KHDRBS2: variants seen among roughly 807,000 people sequenced by gnomAD.
The protein encoded by KHDRBS2 is KH domain-containing, RNA-binding, signal transduction-associated protein 2.
Under a neutral mutation model 44.3 loss-of-function variants are expected in KHDRBS2, and 26 were observed. That is an observed-to-expected ratio of 0.59 (90% CI 0.43 to 0.81). The LOEUF (loss-of-function observed/expected upper bound fraction) is 0.81. Ranked by LOEUF, KHDRBS2 falls within the 40% of genes least tolerant of loss-of-function variation. The pLI is 0.00. For synonymous variants in KHDRBS2, 194 were observed against 151.1 expected, an observed-to-expected ratio of 1.28 and a Z score of -2.08; for missense variants, 476 against 433.1, an observed-to-expected ratio of 1.10 and a Z score of -0.88.
the KHDRBS2 span, chr6:61,574,460 A>G: frequency 6.2e-5 from 84 of 1,351,604 alleles, no homozygotes; most frequent in Admixed American, 8.8e-5. Flanking sequence ...ACAACACCCA[A>G]TAAGCCCACA....
intron 3 of KHDRBS2, among the ~76,000 whole-genome samples, chr6:62,045,205 C>G (rs1323209568): frequency 6.6e-6 from 1 of 151,948 alleles, no homozygotes; most frequent in East Asian, 1.9e-4. Flanking sequence ...AATTACTTTC[C>G]AGGAGTTTTA....
At chr6:62,038,769 A>T (rs1785846821) in intron 3 of KHDRBS2, among the ~76,000 whole-genome samples, 1 of 152,090 alleles carries the variant, frequency 6.6e-6, no homozygotes, top group Non-Finnish European at 1.5e-5. Flanking sequence ...GGGTCATTTC[A>T]ACTATTAAAA....
intron 2 of KHDRBS2, among the ~76,000 whole-genome samples, chr6:62,101,864 A>G (rs1255754439): frequency 6.6e-6 from 1 of 152,194 alleles, no homozygotes; most frequent in East Asian, 1.9e-4. Flanking sequence ...TTTATTGTAC[A>G]CATCTTCAAA....
At chr6:62,116,088 T>C (rs915088897) in intron 2 of KHDRBS2, among the ~76,000 whole-genome samples, 36 of 152,052 alleles carry the variant, frequency 2.4e-4, no homozygotes, top group Admixed American at 2.2e-3. Context: ...ATAAGCACTG[T>C]GCTTATAATT....
At chr6:61,611,063 A>C in the KHDRBS2 span, among the ~76,000 whole-genome samples, 5 of 152,214 alleles carry the variant, frequency 3.3e-5, no homozygotes, top group African/African-American at 1.2e-4. Context: ...TTTGGTAAAA[A>C]TATTTTATAA....
chr6:62,203,417 T>C (rs1379950415), intron 1 of KHDRBS2, among the ~76,000 whole-genome samples: 2 of 152,104 alleles, frequency 1.3e-5, no homozygotes, highest in Non-Finnish European at 1.5e-5. Context: ...AGAAGATAAA[T>C]TTCAAAATAC....
intron 6 of KHDRBS2, among the ~76,000 whole-genome samples, chr6:61,807,481 A>G (rs1487249187): frequency 6.6e-6 from 1 of 152,174 alleles, no homozygotes; most frequent in Non-Finnish European, 1.5e-5. Context: ...ATGGAATACT[A>G]TGCATCCATA....
chr6:61,667,760 C>T, the KHDRBS2 span, among the ~76,000 whole-genome samples: 1 of 151,272 alleles, frequency 6.6e-6, no homozygotes, highest in Non-Finnish European at 1.5e-5. Flanking sequence ...TCTGAACCTA[C>T]TTCATTTAGT....
intron 2 of KHDRBS2, among the ~76,000 whole-genome samples, chr6:62,106,701 C>T (rs562850847): frequency 6.6e-6 from 1 of 152,116 alleles, no homozygotes; most frequent in African/African-American, 2.4e-5. Flanking sequence ...CAATAAAATA[C>T]TGGCAAACGG....
intron 1 of KHDRBS2, among the ~76,000 whole-genome samples, chr6:62,285,566 C>A (rs9364041): frequency 7.9e-5 from 12 of 152,202 alleles, no homozygotes; most frequent in African/African-American, 2.4e-4. Flanking sequence ...CCCTGTAGAC[C>A]GCGTTACATA....
At chr6:62,155,684 A>T (rs1816201471) in intron 2 of KHDRBS2, among the ~76,000 whole-genome samples, 1 of 152,242 alleles carries the variant, frequency 6.6e-6, no homozygotes, top group Non-Finnish European at 1.5e-5. Context: ...TCTGTAACTC[A>T]TGAATACTAT....
chr6:62,071,700 A>G (rs1422415419), intron 2 of KHDRBS2, among the ~76,000 whole-genome samples: 2 of 152,042 alleles, frequency 1.3e-5, no homozygotes, highest in Non-Finnish European at 2.9e-5. Flanking sequence ...ATTGGTCTAT[A>G]TCTCTGTTTT....
At chr6:61,568,989 G>C in the KHDRBS2 span, among the ~76,000 whole-genome samples, 20 of 32,688 alleles carry the variant, frequency 6.1e-4, no homozygotes, top group Admixed American at 6.2e-3. Flanking sequence ...TGGGCATATG[G>C]GGAAGTGTGA....
At chr6:61,544,036 A>T in the KHDRBS2 span, among the ~76,000 whole-genome samples, 10 of 152,186 alleles carry the variant, frequency 6.6e-5, no homozygotes, top group African/African-American at 2.2e-4. Context: ...TAGATCTAGT[A>T]TTTGATAGCC....
the KHDRBS2 span, among the ~76,000 whole-genome samples, chr6:61,609,838 A>G: frequency 6.6e-6 from 1 of 152,196 alleles, no homozygotes; most frequent in African/African-American, 2.4e-5. Flanking sequence ...CTCAGAATAT[A>G]TCCTGAGGAA....
At chr6:61,643,104 G>A in the KHDRBS2 span, among the ~76,000 whole-genome samples, 4 of 151,584 alleles carry the variant, frequency 2.6e-5, no homozygotes, top group African/African-American at 9.7e-5. Flanking sequence ...GTTCTGATAT[G>A]TATATACATA....
chr6:61,939,081 A>T (rs1811607944), intron 4 of KHDRBS2, among the ~76,000 whole-genome samples: 1 of 152,050 alleles, frequency 6.6e-6, no homozygotes, highest in Non-Finnish European at 1.5e-5. Flanking sequence ...CTAGAGGTAA[A>T]AGATGCTGCT....
intron 1 of KHDRBS2, among the ~76,000 whole-genome samples, chr6:62,245,193 C>T (rs928388451): frequency 6.6e-6 from 1 of 152,064 alleles, no homozygotes; most frequent in African/African-American, 2.4e-5. Context: ...AGATTTGCTG[C>T]ATTCTCTTTG....
the KHDRBS2 span, among the ~76,000 whole-genome samples, chr6:61,601,715 C>G: frequency 7.3e-3 from 1,114 of 151,968 alleles, 8 homozygotes; most frequent in Non-Finnish European, 0.011. Flanking sequence ...TCTACAGACC[C>G]ATCTCACCTC....
Sources: gnomAD v4.1 joint callset for allele counts (sites outside exome capture counted in the v4.1 genomes callset) on GRCh38, gnomAD v4.1.1 for gene constraint, MANE v1.5 for transcripts, NCBI Gene and HGNC (gene_info 2026-07-23, HGNC 2026-07-21) for gene names.